Variants in APBB2 observed in about 807,000 individuals in gnomAD.
APBB2 encodes the protein Fe65-like 1.
A neutral mutation model predicts 82.5 loss-of-function variants in APBB2; 38 were observed. The observed-to-expected ratio is 0.46, with a 90% CI of 0.36 to 0.60. The LOEUF (loss-of-function observed/expected upper bound fraction) is 0.60, where lower values mean the gene tolerates loss of function less well. Among genes scored for constraint, APBB2 ranks in the 20% least tolerant of loss-of-function variants. APBB2 has a pLI of 0.00. For synonymous variants in APBB2, 341 were observed against 368.2 expected (o/e 0.93, Z 0.85); for missense variants, 772 against 972.3 (o/e 0.79, Z 2.74).
chr4:41,003,075 T>C (rs1277771184), intron 6 of APBB2, among the ~76,000 whole-genome samples: 1 of 152,230 alleles, frequency 6.6e-6, no homozygotes, highest in East Asian at 1.9e-4. Context: ...TGAGCCATAC[T>C]ACTAAATATT....
intron 2 of APBB2, 30 bp downstream of exon 2, chr4:41,142,957 C>T (rs1759677303): frequency 6.6e-6 from 1 of 152,222 alleles, no homozygotes; most frequent in Non-Finnish European, 1.5e-5. Flanking sequence ...GCCCAATCCG[C>T]TTTATCCAGC....
chr4:41,027,315 T>C (rs1357164896), intron 5 of APBB2, among the ~76,000 whole-genome samples: 5 of 149,978 alleles, frequency 3.3e-5, no homozygotes, highest in South Asian at 4.2e-4. Context: ...ACAGTAACTT[T>C]TTTGTACATA....
intron 1 of APBB2, among the ~76,000 whole-genome samples, chr4:41,184,616 C>T (rs1339566038): frequency 6.6e-6 from 1 of 152,216 alleles, no homozygotes; most frequent in Admixed American, 6.5e-5. Context: ...TGTGTCACCA[C>T]CAGGTACTTT....
intron 10 of APBB2, among the ~76,000 whole-genome samples, chr4:40,907,081 A>G (rs1776964379): frequency 6.6e-6 from 1 of 152,068 alleles, no homozygotes; most frequent in African/African-American, 2.4e-5. Flanking sequence ...CCTTTTACAT[A>G]TCTTGTTCAA....
At chr4:41,073,329 C>A (rs113801546) in intron 3 of APBB2, among the ~76,000 whole-genome samples, 13 of 152,268 alleles carry the variant, frequency 8.5e-5, no homozygotes, top group African/African-American at 2.9e-4. Flanking sequence ...TATCTAAGTT[C>A]TTTTCTCTTT....
Position 40,986,878 on chromosome 4 carries a change from T to C in APBB2, c.835+26705A>G, listed in dbSNP as rs1000493236. ...ATAAATTTAGGAAACAAAGATTCTT[T>C]CCAAGGTTCTTAACCGTCAATACGG... On this transcript the variant is annotated intron_variant, in intron 6 of 17. Coordinates refer to ENST00000508593, the MANE Select transcript of APBB2 (RefSeq NM_004307.2). 3.9e-5 allele frequency among the ~76,000 whole-genome samples: 6 copies of C among 152,208 alleles called. No individual in the cohort carries two copies. In the East Asian group the frequency reaches 9.6e-4, roughly 24 times the overall value.
In APBB2 at chr4:40,981,306, G is replaced by A. The variant is rs144475051; in HGVS notation, c.835+32277C>T. 4.6e-3 allele frequency among the ~76,000 whole-genome samples: 699 copies of A among 152,180 alleles called. 1 individual carries two copies. The highest frequency in any genetic ancestry group is 7.6e-3 in the Non-Finnish European group (520 of 68,012). On this transcript the variant is annotated intron_variant, in intron 6 of 17. Coordinates refer to ENST00000508593, the MANE Select transcript of APBB2 (RefSeq NM_004307.2). ...TAGTTCCAGCTACTTGGGAGGCTGA[G>A]GCAAGTGGAGGTTTACAGTGAGCTG...
chr4:41,052,359 C>T (rs1031639016), intron 4 of APBB2, among the ~76,000 whole-genome samples: 5 of 152,184 alleles, frequency 3.3e-5, no homozygotes, highest in Non-Finnish European at 5.9e-5. Flanking sequence ...CCGTTCTTCT[C>T]CTACCTGATC....
chr4:41,047,371 T>C (rs140017034), intron 4 of APBB2, among the ~76,000 whole-genome samples: 13 of 152,394 alleles, frequency 8.5e-5, no homozygotes, highest in Non-Finnish European at 1.6e-4. Context: ...TTTATTGTTA[T>C]AGTCAGGATT....
chr4:41,159,961 G>GAGAAGAAGAAGAAGAAGAAGAAGAAGA (rs1161043741), intron 1 of APBB2, among the ~76,000 whole-genome samples: 11 of 31,988 alleles, frequency 3.4e-4, no homozygotes, highest in Admixed American at 8.6e-4. Flanking sequence ...GAAGGAGAAG[G>GAGAAGAAGAAGAAGAAGAAGAAGAAGA]AGAAGAAGAA....
intron 2 of APBB2, among the ~76,000 whole-genome samples, chr4:41,105,408 T>C (rs1386575851): frequency 1.3e-5 from 2 of 152,174 alleles, no homozygotes; most frequent in Non-Finnish European, 2.9e-5. Context: ...CTATTATATA[T>C]AAAAATATCA....
At chr4:41,065,943 C>G (rs867314489) in intron 3 of APBB2, among the ~76,000 whole-genome samples, 1 of 152,102 alleles carries the variant, frequency 6.6e-6, no homozygotes, top group African/African-American at 2.4e-5. Context: ...CTGGCCTTCT[C>G]TGACCCCCAT....
intron 1 of APBB2, among the ~76,000 whole-genome samples, chr4:41,173,554 A>G (rs989997641): frequency 1.3e-5 from 2 of 152,240 alleles, no homozygotes; most frequent in Non-Finnish European, 1.5e-5. Flanking sequence ...CTAGGTGCAC[A>G]TAACAACACT....
At chr4:41,214,288 C>T (rs1306568991) in intron 1 of APBB2, 117 bp downstream of exon 1, 2 of 152,272 alleles carry the variant, frequency 1.3e-5, no homozygotes, top group East Asian at 1.9e-4. Flanking sequence ...GAGGAGAAGC[C>T]GCCGGGGGAA....
chr4:41,022,347 G>A (rs1711955038), intron 5 of APBB2, among the ~76,000 whole-genome samples: 1 of 152,134 alleles, frequency 6.6e-6, no homozygotes. Context: ...GAGAACCACT[G>A]GAAGAGGAAG....
At chr4:41,056,151 G>T (rs1727772722) in intron 4 of APBB2, among the ~76,000 whole-genome samples, 1 of 152,108 alleles carries the variant, frequency 6.6e-6, no homozygotes, top group South Asian at 2.1e-4. Context: ...CTGCACTCCA[G>T]CCTGGGCAAC....
intron 6 of APBB2, among the ~76,000 whole-genome samples, chr4:40,988,659 T>C (rs1240813110): frequency 1.3e-4 from 4 of 30,242 alleles, no homozygotes; most frequent in Non-Finnish European, 2.3e-4. Flanking sequence ...AAAAAAAGAC[T>C]GTCTCAAAAA....
chr4:41,196,138 G>T, intron 1 of APBB2, among the ~76,000 whole-genome samples: 126 of 149,068 alleles, frequency 8.5e-4, no homozygotes, highest in Admixed American at 2.4e-3. Context: ...CAGCCTGGTC[G>T]ACAGAGCAAG....
intron 6 of APBB2, 82 bp from the exon 7 acceptor site, chr4:40,945,155 C>G (rs549005554): frequency 9.9e-7 from 1 of 1,009,758 alleles, no homozygotes; most frequent in Admixed American, 1.9e-5. Flanking sequence ...AGGTGAACCC[C>G]AAAGGCAGAC....
Sources: gnomAD v4.1 joint callset for allele counts (sites outside exome capture counted in the v4.1 genomes callset) on GRCh38, gnomAD v4.1.1 for gene constraint, MANE v1.5 for transcripts, NCBI Gene and HGNC (gene_info 2026-07-23, HGNC 2026-07-21) for gene names.